The following ANKRD44 variants were observed in gnomAD, a reference collection of about 807,000 sequenced individuals.
ANKRD44 encodes the protein ankyrin repeat domain 44.
Under a neutral mutation model 116.0 loss-of-function variants are expected in ANKRD44, and 35 were observed. The ratio of observed to expected loss-of-function variants is 0.30; its 90% CI spans 0.23 to 0.40. The LOEUF is 0.40. Ranked by LOEUF, ANKRD44 falls within the 10% of genes least tolerant of loss-of-function variation. The pLI, the probability that ANKRD44 is intolerant of heterozygous loss-of-function variation, is 1.00. For missense variants in ANKRD44, 1,014 were observed against 1,242.6 expected, an observed-to-expected ratio of 0.82 and a Z score of 2.77; for synonymous variants, 435 against 461.8, an observed-to-expected ratio of 0.94 and a Z score of 0.74.
intron 8 of ANKRD44, among the ~76,000 whole-genome samples, chr2:197,115,094 A>T (rs560950760): frequency 6.6e-6 from 1 of 152,286 alleles, no homozygotes; most frequent in Non-Finnish European, 1.5e-5. Flanking sequence ...TCAAGCAGAC[A>T]TGTTTCAACT....
chr2:197,186,138 A>C (rs2080651987), intron 2 of ANKRD44, among the ~76,000 whole-genome samples: 1 of 152,180 alleles, frequency 6.6e-6, no homozygotes. Context: ...CATTTTTAGC[A>C]GGAGGCCTGC....
intron 2 of ANKRD44, among the ~76,000 whole-genome samples, chr2:197,160,057 CAT>C (rs895373540): frequency 9.9e-5 from 15 of 151,990 alleles, no homozygotes; most frequent in Non-Finnish European, 1.2e-4. Flanking sequence ...CACACACACA[CAT>C]ACACACATGC....
chr2:197,300,553 C>A (rs747920271), intron 1 of ANKRD44, among the ~76,000 whole-genome samples: 1 of 152,108 alleles, frequency 6.6e-6, no homozygotes, highest in Non-Finnish European at 1.5e-5. Flanking sequence ...TTAAAGAGGG[C>A]CTTTCATGTG....
At chr2:197,185,115 G>C (rs2080622307) in intron 2 of ANKRD44, among the ~76,000 whole-genome samples, 1 of 152,240 alleles carries the variant, frequency 6.6e-6, no homozygotes, top group Non-Finnish European at 1.5e-5. Flanking sequence ...GGATTCCCGT[G>C]ATGTCAGAAC....
chr2:197,122,932 A>G (rs1300331404), intron 6 of ANKRD44, 140 bp from the exon 7 acceptor site: 10 of 945,446 alleles, frequency 1.1e-5, no homozygotes, highest in Non-Finnish European at 1.4e-5. Context: ...GTTCATGGCA[A>G]CTATTCAACA....
intron 1 of ANKRD44, among the ~76,000 whole-genome samples, chr2:197,233,189 CATTA>C: frequency 6.6e-6 from 1 of 152,278 alleles, no homozygotes; most frequent in South Asian, 2.1e-4. Context: ...CTATTTATGT[CATTA>C]ATTTTCTCTA....
Position 197,156,564 on chromosome 2 carries a change from A to G in ANKRD44, c.112-9459T>C, listed in dbSNP as rs1403097427. On this transcript the variant is annotated intron_variant, in intron 2 of 27. Transcript: ENST00000282272. ...TTGGCAATTTCTTAAAAACTTAAAC[A>G]TACAACTACCATATAAGCTAGGTAT... Among the ~76,000 whole-genome samples the G allele has an allele frequency of 6.6e-5, 10 of 152,234 alleles. No homozygotes were observed. The South Asian group carries it at 1.0e-3, about 16-fold the overall frequency.
At chr2:197,251,009 ACT>A (rs1435336417) in intron 1 of ANKRD44, 2 of 151,848 alleles carry the variant, frequency 1.3e-5, no homozygotes, top group African/African-American at 4.8e-5. Context: ...AAGAAGAAAA[ACT>A]CTTGTTAACA....
chr2:197,101,643 G>T (rs184577351), intron 9 of ANKRD44, among the ~76,000 whole-genome samples: 1 of 152,278 alleles, frequency 6.6e-6, no homozygotes, highest in African/African-American at 2.4e-5. Context: ...TTAAGGTGGT[G>T]TCTGTCAGTA....
intron 2 of ANKRD44, among the ~76,000 whole-genome samples, chr2:197,149,760 CG>C (rs2079594940): frequency 6.6e-6 from 1 of 152,134 alleles, no homozygotes; most frequent in Non-Finnish European, 1.5e-5. Flanking sequence ...TGAGTCAAAG[CG>C]TGAATGACCG....
intron 15 of ANKRD44, among the ~76,000 whole-genome samples, chr2:197,079,923 T>A (rs10931772): frequency 0.84 from 128,061 of 152,052 alleles, 56,492 homozygotes; most frequent in East Asian, 1. Flanking sequence ...CCATACATTT[T>A]AAAAAAACCA....
Position 197,294,266 on chromosome 2 carries a change from C to G in ANKRD44, c.27+16312G>C, listed in dbSNP as rs182762613. On this transcript the variant is annotated intron_variant, in intron 1 of 27. Coordinates refer to ENST00000282272, the MANE Select transcript of ANKRD44 (RefSeq NM_001195144.2). ...TAAACAAGTTTCTTTAGTCTTAATT[C>G]TCTCTGAAGGATAGAGAAAAGGAGG... 2.6e-5 allele frequency among the ~76,000 whole-genome samples: 4 copies of G among 152,272 alleles called. No individual in the cohort carries two copies. In the East Asian group the frequency reaches 5.8e-4, roughly 22 times the overall value.
At chr2:197,078,654 G>C in intron 16 of ANKRD44, 49 bp downstream of exon 16, 1 of 1,598,542 alleles carries the variant, frequency 6.3e-7, no homozygotes, top group Admixed American at 1.7e-5. Flanking sequence ...CTGTGATTTG[G>C]GGTATGTGTG....
intron 25 of ANKRD44, among the ~76,000 whole-genome samples, chr2:196,996,568 G>A (rs1291231570): frequency 6.6e-6 from 1 of 152,150 alleles, no homozygotes; most frequent in Non-Finnish European, 1.5e-5. Flanking sequence ...GCTGTTGGAA[G>A]GTAAACTGTT....
chr2:197,068,129 C>T (rs1364366538), intron 16 of ANKRD44, among the ~76,000 whole-genome samples: 4 of 117,896 alleles, frequency 3.4e-5, no homozygotes, highest in Admixed American at 9.4e-5. Flanking sequence ...CCAAACACCG[C>T]ATATTCTCAC....
chr2:197,013,544 T>G lies in ANKRD44; in HGVS notation c.1891A>C (p.Asn631His). 1 of 1,614,226 alleles carries G rather than the reference T, an allele frequency of 6.2e-7. No individual in the cohort carries two copies. The highest frequency in any genetic ancestry group is 1.1e-5 in the South Asian group (1 of 91,088). ...TGAAGTGGGGTTCTTTTGGTTACAT[T>G]GTCTTTCACAAAGATGGATGCGCCC... ...NQGASIFVKD[N>H]VTKRTPLHAS... The change falls in exon 18 of 28, where the codon AAT becomes CAT. Residue 631 changes from asparagine (N) to histidine (H), a missense_variant. Asn to His is a moderately conservative substitution (Grantham distance 68, BLOSUM62 1). Transcript: ENST00000282272.
At chr2:197,095,859 C>G (rs1479592172) in intron 10 of ANKRD44, among the ~76,000 whole-genome samples, 1 of 152,132 alleles carries the variant, frequency 6.6e-6, no homozygotes, top group Non-Finnish European at 1.5e-5. Flanking sequence ...CTAAATTGTG[C>G]AGTTAACATG....
At chr2:197,259,925 G>GA (rs368982455) in intron 1 of ANKRD44, among the ~76,000 whole-genome samples, 16 of 149,706 alleles carry the variant, frequency 1.1e-4, no homozygotes, top group African/African-American at 3.2e-4. Context: ...TTTGAGGGGG[G>GA]AAAAAAAAAG....
chr2:197,145,082 G>A (rs1338275016), intron 3 of ANKRD44, among the ~76,000 whole-genome samples: 2 of 152,090 alleles, frequency 1.3e-5, no homozygotes, highest in African/African-American at 4.8e-5. Flanking sequence ...ACAAGGTCAG[G>A]AGATCGAGAC....
Sources: gnomAD v4.1 joint callset for allele counts (sites outside exome capture counted in the v4.1 genomes callset) on GRCh38, gnomAD v4.1.1 for gene constraint, MANE v1.5 for transcripts, NCBI Gene and HGNC (gene_info 2026-07-23, HGNC 2026-07-21) for gene names.